The following KCNK5 variants were observed in gnomAD, a reference collection of about 807,000 sequenced individuals.
KCNK5 encodes potassium channel subfamily K member 5.
KCNK5 carries 18 observed loss-of-function variants against 32.9 expected under a neutral mutation model. The ratio of observed to expected loss-of-function variants is 0.55; its 90% CI spans 0.38 to 0.81. The LOEUF is 0.81. Ranked by LOEUF, KCNK5 falls within the 30% of genes least tolerant of loss-of-function variation. KCNK5 has a pLI of 0.00. For synonymous variants in KCNK5, 276 were observed against 275.3 expected, an observed-to-expected ratio of 1.00 and a Z score of -0.03; for missense variants, 507 against 651.0, an observed-to-expected ratio of 0.78 and a Z score of 2.41.
chr6:39,225,799 G>GGTCATT (rs1365500093), intron 1 of KCNK5, among the ~76,000 whole-genome samples: 1 of 152,172 alleles, frequency 6.6e-6, no homozygotes, highest in Non-Finnish European at 1.5e-5. Context: ...CAGACTGCCT[G>GGTCATT]GTCATTGCCC....
At chr6:39,213,430 C>T (rs1175652022) in intron 1 of KCNK5, among the ~76,000 whole-genome samples, 2 of 152,172 alleles carry the variant, frequency 1.3e-5, no homozygotes, top group Non-Finnish European at 1.5e-5. Flanking sequence ...CTTGCATCTT[C>T]CTGCTTTCCT....
chr6:39,210,992 C>A (rs1406479024), intron 1 of KCNK5, among the ~76,000 whole-genome samples: 2 of 152,198 alleles, frequency 1.3e-5, no homozygotes, highest in Non-Finnish European at 2.9e-5. Context: ...CCTACTCCAC[C>A]TTTCCTGGCC....
rs181449638 is a variant in KCNK5 at position 39,215,515 on chromosome 6, T to C, written c.186+13411A>G. On this transcript the variant is annotated intron_variant, in intron 1 of 4. Coordinates refer to ENST00000359534, the MANE Select transcript of KCNK5 (RefSeq NM_003740.4). ...CTACCTCCATCCCGCACTGGGGGCA[T>C]GAGAGGAGCAGGAACCTTGCATTAG... Among the ~76,000 whole-genome samples, 3 of 152,176 alleles carry C rather than the reference T, an allele frequency of 2.0e-5. No homozygotes were observed. The East Asian group carries it at 5.8e-4, about 29-fold the overall frequency.
Position 39,189,511 on chromosome 6 carries a change from G to A in KCNK5, c.*1379C>T, listed in dbSNP as rs1382246360. 6.6e-6 allele frequency: 1 copy of A among 152,562 alleles called. No homozygotes were observed. The highest frequency in any genetic ancestry group is 1.9e-4 in the East Asian group (1 of 5,198). The allele number at this position is 152,562 out of a possible 1,614,324, so 9.5% of individuals were successfully genotyped here. On this transcript the variant is annotated 3_prime_UTR_variant, in exon 5 of 5. Transcript: ENST00000359534. Reference sequence around the variant, plus strand: ...CTGCTCTTTAACCACTGGCTCTGAAGCCAACAACAGATTCCAGGTATATAA... The same window carrying A: ...CTGCTCTTTAACCACTGGCTCTGAAACCAACAACAGATTCCAGGTATATAA...
Position 39,208,526 on chromosome 6 carries a change from G to A in KCNK5, c.187-12539C>T, listed in dbSNP as rs533973187. ...GTCTGACTCTAACCTAAATCCCTCC[G>A]GCTGCAGTCCAAGCCCATTTCCTTT... On this transcript the variant is annotated intron_variant, in intron 1 of 4. Transcript: ENST00000359534. 3.9e-5 allele frequency among the ~76,000 whole-genome samples: 6 copies of A among 152,274 alleles called. No individual in the cohort carries two copies. In the South Asian group the frequency reaches 6.2e-4, roughly 16 times the overall value.
intron 1 of KCNK5, among the ~76,000 whole-genome samples, chr6:39,220,531 G>A (rs1330857873): frequency 1.3e-5 from 2 of 152,158 alleles, no homozygotes; most frequent in South Asian, 2.1e-4. Flanking sequence ...ACCAAGGCCT[G>A]GGACAAGCCA....
chr6:39,207,445 C>T (rs1771248569), intron 1 of KCNK5, among the ~76,000 whole-genome samples: 1 of 152,196 alleles, frequency 6.6e-6, no homozygotes. Context: ...ACGGTGGGCT[C>T]TAGCTCCACT....
In KCNK5 at chr6:39,194,067, G is replaced by T; in HGVS notation, c.634+102C>A. 4 of 1,263,294 alleles carry T rather than the reference G, an allele frequency of 3.2e-6. No individual in the cohort carries two copies. The highest frequency in any genetic ancestry group is 4.6e-6 in the Non-Finnish European group (4 of 872,450). 78.3% of individuals were successfully genotyped at this position (1,263,294 alleles called of 1,614,324 possible). ...GAGAATCCCACTGGGTAAGAGAAGT[G>T]CCCAGAACATGGAACCCTACCTAGG... On this transcript the variant is annotated intron_variant, in intron 4 of 4. Coordinates refer to ENST00000359534, the MANE Select transcript of KCNK5 (RefSeq NM_003740.4). The surrounding 1 kb of genome is among the most constrained non-coding windows in gnomAD (Gnocchi z 4.7).
At chr6:39,223,660 C>G (rs1422824000) in intron 1 of KCNK5, among the ~76,000 whole-genome samples, 5 of 152,168 alleles carry the variant, frequency 3.3e-5, no homozygotes, top group Non-Finnish European at 2.9e-5. Context: ...CCTGGCTCCT[C>G]TGCTCCCCAA....
chr6:39,192,563 T>C (rs1023385547), intron 4 of KCNK5, among the ~76,000 whole-genome samples: 2 of 152,102 alleles, frequency 1.3e-5, no homozygotes, highest in Non-Finnish European at 2.9e-5. Context: ...GGTGGTTAGG[T>C]TGAGATGACC....
In KCNK5 at chr6:39,194,350, A is replaced by C. The variant is rs766264014; in HGVS notation, c.466-13T>G. On this transcript the variant is annotated splice_polypyrimidine_tract_variant and intron_variant, in intron 3 of 4. Coordinates refer to ENST00000359534, the MANE Select transcript of KCNK5 (RefSeq NM_003740.4). This position sits in a 1 kb window ranked among gnomAD's most constrained non-coding sequence, Gnocchi z 4.7. Reference sequence around the variant, plus strand: ...TCTGCGCCTTCCGCTGATGGGGAGCAGGAGGCCAAGTCAGAGAATAGTGGA... The same window carrying C: ...TCTGCGCCTTCCGCTGATGGGGAGCCGGAGGCCAAGTCAGAGAATAGTGGA... The C allele has an allele frequency of 2.5e-6, 4 of 1,590,332 alleles. No individual in the cohort carries two copies. Among genetic ancestry groups the C allele is most frequent in the Middle Eastern group, 1.7e-4 (1 of 5,966 alleles).
intron 4 of KCNK5, among the ~76,000 whole-genome samples, chr6:39,192,453 C>A (rs1385753586): frequency 1.3e-5 from 2 of 152,106 alleles, no homozygotes; most frequent in Non-Finnish European, 2.9e-5. Flanking sequence ...GTATATGATA[C>A]AGTTCACTTA....
chr6:39,219,797 G>A (rs1010239462), intron 1 of KCNK5, among the ~76,000 whole-genome samples: 3 of 152,202 alleles, frequency 2.0e-5, no homozygotes, highest in Non-Finnish European at 4.4e-5. Context: ...CACACTCACT[G>A]AGCATCCTGA....
At chr6:39,223,007 T>C (rs149710134) in intron 1 of KCNK5, among the ~76,000 whole-genome samples, 2 of 152,342 alleles carry the variant, frequency 1.3e-5, no homozygotes, top group African/African-American at 4.8e-5. Flanking sequence ...TAAACGTGGC[T>C]AAAATGGTAA....
At chr6:39,214,880 T>C (rs976307560) in intron 1 of KCNK5, among the ~76,000 whole-genome samples, 2 of 152,150 alleles carry the variant, frequency 1.3e-5, no homozygotes, top group African/African-American at 2.4e-5. Flanking sequence ...ATAATATGCA[T>C]TGCATGGTGA....
chr6:39,191,040 C>T lies in KCNK5; in HGVS notation c.1350G>A (p.Gln450=), dbSNP rs144503200. 8.1e-4 allele frequency: 1,309 copies of T among 1,610,020 alleles called. 4 individuals are homozygous for T. The highest frequency in any genetic ancestry group is 4.0e-3 in the Middle Eastern group (24 of 6,046). The change falls in exon 5 of 5, where the codon CAG becomes CAA. Residue 450 remains glutamine, a synonymous_variant. Transcript: ENST00000359534. The surrounding 1 kb of genome is among the most constrained non-coding windows in gnomAD (Gnocchi z 5.8). The stretch of plus-strand genomic sequence containing the variant: ...GGGGCGCCTTGGCTTCAGCCCCCTG[C>T]TGGGGGCTCTCCTCCCCTGCCAAGT... ...EDNLAGEESP[Q]QGAEAKAPLN...
At chr6:39,195,058 C>T (rs529167965) in intron 2 of KCNK5, among the ~76,000 whole-genome samples, 21 of 152,294 alleles carry the variant, frequency 1.4e-4, no homozygotes, top group African/African-American at 5.1e-4. Flanking sequence ...AAGACATGCT[C>T]TCTGTGTAGA....
chr6:39,217,079 C>G (rs1292045177), intron 1 of KCNK5, among the ~76,000 whole-genome samples: 1 of 136,566 alleles, frequency 7.3e-6, no homozygotes, highest in Non-Finnish European at 1.5e-5. Flanking sequence ...GAGATCATGC[C>G]ATTGCTCTCC....
chr6:39,214,838 C>T (rs780657968), intron 1 of KCNK5, among the ~76,000 whole-genome samples: 2 of 152,142 alleles, frequency 1.3e-5, no homozygotes, highest in African/African-American at 2.4e-5. Context: ...AGCACACAGG[C>T]CCTCACAATA....
Sources: gnomAD v4.1 joint callset for allele counts (sites outside exome capture counted in the v4.1 genomes callset) on GRCh38, gnomAD v4.1.1 for gene constraint, Gnocchi (gnomAD v3.1) non-coding constraint, MANE v1.5 for transcripts, NCBI Gene and HGNC (gene_info 2026-07-23, HGNC 2026-07-21) for gene names.